Variants in SYT9 observed in about 807,000 individuals in gnomAD.
The protein encoded by SYT9 is synaptotagmin-9.
A neutral mutation model predicts 48.4 loss-of-function variants in SYT9; 22 were observed. The ratio of observed to expected loss-of-function variants is 0.45; its 90% CI spans 0.32 to 0.65. The LOEUF (loss-of-function observed/expected upper bound fraction) is 0.65, where lower values mean the gene tolerates loss of function less well. SYT9 is among the 30% of genes least tolerant of loss of function. SYT9 has a pLI of 0.03. For synonymous variants in SYT9, 265 were observed against 245.0 expected, an observed-to-expected ratio of 1.08 and a Z score of -0.76; for missense variants, 577 against 622.0, an observed-to-expected ratio of 0.93 and a Z score of 0.77.
upstream of SYT9, among the ~76,000 whole-genome samples, chr11:7,250,458 C>T (rs1020084179): frequency 6.7e-6 from 1 of 148,366 alleles, no homozygotes; most frequent in Non-Finnish European, 1.5e-5. Flanking sequence ...GCCACCCCCC[C>T]CCAGCATCAC....
At chr11:7,291,880 C>T (rs915806343) in intron 1 of SYT9, among the ~76,000 whole-genome samples, 6 of 152,072 alleles carry the variant, frequency 3.9e-5, no homozygotes, top group African/African-American at 1.4e-4. Context: ...CTGAGGAAGG[C>T]CAGGAAGGGA....
intron 3 of SYT9, among the ~76,000 whole-genome samples, chr11:7,403,560 T>C (rs543981740): frequency 1.2e-4 from 15 of 122,870 alleles, no homozygotes; most frequent in African/African-American, 6.3e-4. Flanking sequence ...TCAAAATAAA[T>C]AAACAGAGAG....
In SYT9 at chr11:7,243,073, A is replaced by AATAAATAAATAAAT. The variant is rs1257905390; in HGVS notation, c.49+4158_49+4159insTAAATAAATAAATA. Among the ~76,000 whole-genome samples the AATAAATAAATAAAT allele has an allele frequency of 7.7e-5, 10 of 129,092 alleles. No homozygotes were observed. The East Asian group carries it at 1.4e-3, about 18-fold the overall frequency. The allele number at this position is 129,092 out of a possible 152,430, so 84.7% of individuals were successfully genotyped here. A position where few individuals can be genotyped will look rare whatever the true frequency, so the allele number is the denominator to read the frequency against. Reference sequence around the variant, plus strand: ...ATAAATAAATAAATAAATAAATATAAAGTATTACCAATATGAACAGGATAA... The same window carrying AATAAATAAATAAAT: ...ATAAATAAATAAATAAATAAATATAAATAAATAAATAAATAGTATTACCAATATGAACAGGATAA... On this transcript the variant is annotated intron_variant and NMD_transcript_variant, in intron 1 of 8. Transcript: ENST00000524820.
chr11:7,319,476 G>C (rs1263231561), intron 3 of SYT9, among the ~76,000 whole-genome samples: 1 of 151,988 alleles, frequency 6.6e-6, no homozygotes, highest in Non-Finnish European at 1.5e-5. Flanking sequence ...CCTTTGTATA[G>C]GAATAAAACC....
chr11:7,322,135 T>A (rs1849348929), intron 3 of SYT9, among the ~76,000 whole-genome samples: 1 of 152,156 alleles, frequency 6.6e-6, no homozygotes, highest in African/African-American at 2.4e-5. Flanking sequence ...CATTTGGTGA[T>A]TCCTGGGTTG....
At chr11:7,428,399 T>C (rs1847506562) in intron 6 of SYT9, among the ~76,000 whole-genome samples, 2 of 151,988 alleles carry the variant, frequency 1.3e-5, no homozygotes, top group African/African-American at 4.8e-5. Context: ...CATTCAGAGG[T>C]GATTGCTAAC....
intron 3 of SYT9, among the ~76,000 whole-genome samples, chr11:7,358,798 A>T (rs1217745169): frequency 6.6e-6 from 1 of 151,928 alleles, no homozygotes; most frequent in African/African-American, 2.4e-5. Flanking sequence ...CTTTGTCATG[A>T]TTTATTATTT....
chr11:7,459,910 C>G (rs1474699669), intron 6 of SYT9, among the ~76,000 whole-genome samples: 9 of 152,176 alleles, frequency 5.9e-5, no homozygotes, highest in Non-Finnish European at 1.0e-4. Flanking sequence ...CATGGGCCCA[C>G]TGGTACCTTG....
At chr11:7,401,206 T>G (rs1846885761) in intron 3 of SYT9, among the ~76,000 whole-genome samples, 1 of 151,980 alleles carries the variant, frequency 6.6e-6, no homozygotes, top group South Asian at 2.1e-4. Flanking sequence ...AACTTTTTTT[T>G]GTAAAATTAC....
intron 6 of SYT9, among the ~76,000 whole-genome samples, chr11:7,431,655 C>A (rs1304852985): frequency 2.0e-5 from 3 of 152,228 alleles, no homozygotes; most frequent in African/African-American, 7.2e-5. Flanking sequence ...TGGGCCAGGA[C>A]CAGGGCCCCA....
At chr11:7,247,882 A>C (rs1847814567), upstream of SYT9, among the ~76,000 whole-genome samples, 1 of 151,998 alleles carries the variant, frequency 6.6e-6, no homozygotes, top group South Asian at 2.1e-4. Context: ...TTCTACTTTT[A>C]GTTCTTTAAG....
chr11:7,448,691 C>T lies in SYT9; in HGVS notation c.1468-18101C>T, dbSNP rs545854181. On this transcript the variant is annotated intron_variant, in intron 6 of 6. Coordinates refer to ENST00000318881, the MANE Select transcript of SYT9 (RefSeq NM_175733.4). ...GTTTGAAAAAGTGGCAAAACCTGCT[C>T]TACAGAGCAAAAAGAATTATCTTAA... 3.3e-5 allele frequency among the ~76,000 whole-genome samples: 5 copies of T among 152,356 alleles called. No homozygotes were observed. In the East Asian group the frequency reaches 9.6e-4, roughly 29 times the overall value.
At chr11:7,276,268 C>T (rs552629820) in intron 1 of SYT9, among the ~76,000 whole-genome samples, 1 of 152,282 alleles carries the variant, frequency 6.6e-6, no homozygotes, top group Middle Eastern at 3.4e-3. Context: ...TGTCTTCTAT[C>T]TCTGTCCCTA....
intron 3 of SYT9, among the ~76,000 whole-genome samples, chr11:7,357,685 C>G (rs1850047509): frequency 6.6e-6 from 1 of 152,078 alleles, no homozygotes; most frequent in Non-Finnish European, 1.5e-5. Flanking sequence ...ACCTCTCACT[C>G]AACTCCCAGC....
chr11:7,295,523 G>A (rs1458531786), intron 1 of SYT9, among the ~76,000 whole-genome samples: 2 of 152,174 alleles, frequency 1.3e-5, no homozygotes, highest in East Asian at 3.9e-4. Flanking sequence ...AGAAGCTTGA[G>A]GCTTTCTCTA....
At chr11:7,415,811 G>A (rs1457739836) in intron 3 of SYT9, among the ~76,000 whole-genome samples, 1 of 152,172 alleles carries the variant, frequency 6.6e-6, no homozygotes, top group East Asian at 1.9e-4. Flanking sequence ...CCTGAACAGG[G>A]TTACAGCTTT....
chr11:7,370,037 A>G (rs1022163609), intron 3 of SYT9, among the ~76,000 whole-genome samples: 3 of 152,008 alleles, frequency 2.0e-5, no homozygotes, highest in Non-Finnish European at 2.9e-5. Context: ...TTAGTCTTCT[A>G]TCGCTCACCC....
intron 2 of SYT9, among the ~76,000 whole-genome samples, chr11:7,307,944 G>T (rs1849061871): frequency 6.6e-6 from 1 of 152,224 alleles, no homozygotes; most frequent in Non-Finnish European, 1.5e-5. Context: ...CACCTCCACT[G>T]GCCCCAAGGC....
chr11:7,450,168 A>C (rs1564908393), intron 6 of SYT9, among the ~76,000 whole-genome samples: 1 of 152,232 alleles, frequency 6.6e-6, no homozygotes, highest in African/African-American at 2.4e-5. Flanking sequence ...GCTGAGGCTT[A>C]ACTAATTTAT....
Sources: allele counts gnomAD v4.1 joint callset (sites outside exome capture counted in the v4.1 genomes callset), GRCh38; gene constraint gnomAD v4.1.1; transcripts MANE v1.5; gene names NCBI Gene and HGNC (gene_info 2026-07-23, HGNC 2026-07-21).